The following SUMO2 variants were observed in gnomAD, a reference collection of about 807,000 sequenced individuals.
SUMO2 encodes small ubiquitin-related modifier 2.
A neutral mutation model predicts 16.0 loss-of-function variants in SUMO2; 1 was observed. The observed-to-expected ratio is 0.06, with a 90% CI of 0.02 to 0.30. SUMO2 has a LOEUF of 0.30. Ranked by LOEUF, SUMO2 falls within the 10% of genes least tolerant of loss-of-function variation. The probability of loss-of-function intolerance (pLI) is 1.00; values close to 1 mark genes in which losing one functional copy is unlikely to be tolerated. For synonymous variants in SUMO2, 36 were observed against 40.6 expected (o/e 0.89, Z 0.43); for missense variants, 16 against 117.5 (o/e 0.14, Z 3.99).
At chr17:75,176,602 C>T (rs1399530681) in intron 2 of SUMO2, among the ~76,000 whole-genome samples, 3 of 148,550 alleles carry the variant, frequency 2.0e-5, no homozygotes, top group Non-Finnish European at 4.5e-5. Flanking sequence ...GGTGACAGAC[C>T]AGATTCAATA....
rs777316008 is a variant in SUMO2 at position 75,168,420 on chromosome 17, C to A, written c.226-19G>T. ...TTTCCAACTAGCATAAAAGAAAAAA[C>A]AAATGTAAAAGCACTGATTAAGTTC... On this transcript the variant is annotated intron_variant, in intron 3 of 3. Transcript: ENST00000420826. 4 of 1,595,742 alleles carry A rather than the reference C, an allele frequency of 2.5e-6. No individual in the cohort carries two copies. The highest frequency in any genetic ancestry group is 4.5e-5 in the East Asian group (2 of 44,486).
intron 3 of SUMO2, 68 bp downstream of exon 3, chr17:75,174,684 A>C: frequency 1.4e-6 from 2 of 1,472,946 alleles, no homozygotes; most frequent in Non-Finnish European, 1.9e-6. Context: ...TAAACGTTCA[A>C]ATTCATAAAC....
At chr17:75,169,533 G>A (rs574203899) in intron 3 of SUMO2, among the ~76,000 whole-genome samples, 5 of 151,724 alleles carry the variant, frequency 3.3e-5, no homozygotes, top group South Asian at 2.1e-4. Context: ...ACAGGTGCCC[G>A]CCACAACGCC....
At chr17:75,180,636 TG>T (rs1182585828) in intron 2 of SUMO2, among the ~76,000 whole-genome samples, 1 of 151,782 alleles carries the variant, frequency 6.6e-6, no homozygotes, top group African/African-American at 2.4e-5. Flanking sequence ...GAAAATCGCT[TG>T]AAGTGGAGGT....
At chr17:75,180,374 AGAGT>A (rs1203814116) in intron 2 of SUMO2, among the ~76,000 whole-genome samples, 1 of 134,192 alleles carries the variant, frequency 7.5e-6, no homozygotes, top group East Asian at 2.4e-4. Flanking sequence ...TAAAAGAAAT[AGAGT>A]GAGACTCCCA....
At chr17:75,169,960 G>A (rs1463668989) in intron 3 of SUMO2, among the ~76,000 whole-genome samples, 1 of 151,504 alleles carries the variant, frequency 6.6e-6, no homozygotes, top group African/African-American at 2.4e-5. Context: ...TTCAAGACCA[G>A]CCTGGCCAAA....
At chr17:75,182,041 C>T (rs1598230693) in intron 1 of SUMO2, among the ~76,000 whole-genome samples, 1 of 152,062 alleles carries the variant, frequency 6.6e-6, no homozygotes, top group Non-Finnish European at 1.5e-5. Context: ...GTCCCCAAGT[C>T]CTCCCGGGAA....
At chr17:75,178,622 G>A (rs2074803089) in intron 2 of SUMO2, among the ~76,000 whole-genome samples, 1 of 152,112 alleles carries the variant, frequency 6.6e-6, no homozygotes, top group African/African-American at 2.4e-5. Context: ...ACACTGGAGT[G>A]CAGCGATGAG....
At chr17:75,181,601 T>A (rs10401035) in intron 1 of SUMO2, among the ~76,000 whole-genome samples, 7,195 of 152,206 alleles carry the variant, frequency 0.047, 576 homozygotes, top group African/African-American at 0.16. Context: ...ACAATAAATC[T>A]ACAGCCTGCC....
chr17:75,182,652 G>C (rs905592936), intron 1 of SUMO2, 162 bp downstream of exon 1: 30 of 459,410 alleles, frequency 6.5e-5, no homozygotes, highest in Non-Finnish European at 8.9e-5. Flanking sequence ...GAGGAAGAGA[G>C]GGAGGGAGGA....
At chr17:75,170,307 C>G (rs1267655013) in intron 3 of SUMO2, among the ~76,000 whole-genome samples, 1 of 152,198 alleles carries the variant, frequency 6.6e-6, no homozygotes, top group East Asian at 1.9e-4. Context: ...CGCCGGGGCT[C>G]ACGCCTATAA....
intron 2 of SUMO2, among the ~76,000 whole-genome samples, chr17:75,176,452 C>T (rs2074783118): frequency 6.6e-6 from 1 of 152,032 alleles, no homozygotes; most frequent in Non-Finnish European, 1.5e-5. Flanking sequence ...CCCGCCTCTA[C>T]TGAAAATACA....
chr17:75,170,282 C>T (rs1298025533), intron 3 of SUMO2, among the ~76,000 whole-genome samples: 1 of 152,024 alleles, frequency 6.6e-6, no homozygotes, highest in Non-Finnish European at 1.5e-5. Context: ...CAATAAAAAC[C>T]CAAATTAGGC....
At chr17:75,172,069 T>C (rs570918179) in intron 3 of SUMO2, among the ~76,000 whole-genome samples, 5 of 151,480 alleles carry the variant, frequency 3.3e-5, no homozygotes, top group African/African-American at 1.2e-4. Context: ...TGAAGTGGCA[T>C]GACCTCCGCG....
intron 3 of SUMO2, among the ~76,000 whole-genome samples, chr17:75,169,630 T>A (rs193292534): frequency 6.6e-6 from 1 of 151,740 alleles, no homozygotes; most frequent in African/African-American, 2.4e-5. Context: ...TGATCCACCC[T>A]CCTCGGCCTC....
At chr17:75,172,876 C>T (rs2074752826) in intron 3 of SUMO2, among the ~76,000 whole-genome samples, 1 of 152,278 alleles carries the variant, frequency 6.6e-6, no homozygotes, top group African/African-American at 2.4e-5. Context: ...CTGCCTCAGC[C>T]TCCTGAAGTG....
At chr17:75,182,731 C>G in intron 1 of SUMO2, 83 bp downstream of exon 1, 1 of 1,181,114 alleles carries the variant, frequency 8.5e-7, no homozygotes, top group Non-Finnish European at 1.1e-6. Context: ...GCGCTGGGAG[C>G]CAGCGGCGGG....
chr17:75,182,054 C>T (rs999502331), intron 1 of SUMO2, among the ~76,000 whole-genome samples: 1 of 152,244 alleles, frequency 6.6e-6, no homozygotes, highest in Admixed American at 6.5e-5. Flanking sequence ...CCCGGGAAGT[C>T]TCCGGGTGCC....
At position 75,181,101 on chromosome 17, in the gene SUMO2, G is replaced by T. The variant is rs2074825413; in HGVS notation, c.109C>A (p.His37Asn). 1 of 1,613,778 alleles carries T rather than the reference G, an allele frequency of 6.2e-7. No individual in the cohort carries two copies. Among genetic ancestry groups the T allele is most frequent in the Non-Finnish European group, 8.5e-7 (1 of 1,179,836 alleles). Residue 37 changes from histidine (H) to asparagine (N), a missense_variant, in exon 2 of 4, where the codon CAT (histidine) becomes AAT (asparagine). Coordinates refer to ENST00000420826, the MANE Select transcript of SUMO2 (RefSeq NM_006937.4). ...GSVVQFKIKRHTPLSKLMKAY... is the reference protein window; with the variant it reads ...GSVVQFKIKRNTPLSKLMKAY... ...TTCATTAGTTTACTAAGTGGTGTAT[G>T]CCTCTTAATCTTAAACTGCACCACA...
Sources: allele counts gnomAD v4.1 joint callset (sites outside exome capture counted in the v4.1 genomes callset), GRCh38; gene constraint gnomAD v4.1.1; transcripts MANE v1.5; gene names NCBI Gene and HGNC (gene_info 2026-07-23, HGNC 2026-07-21).